Variants in ABTB2 observed in about 807,000 individuals in gnomAD.
The protein encoded by ABTB2 is ankyrin repeat and BTB/POZ domain-containing protein 2.
A neutral mutation model predicts 104.1 loss-of-function variants in ABTB2; 56 were observed. The ratio of observed to expected loss-of-function variants is 0.54; its 90% CI spans 0.43 to 0.67. The LOEUF (loss-of-function observed/expected upper bound fraction) is 0.67, where lower values mean the gene tolerates loss of function less well. Ranked by LOEUF, ABTB2 falls within the 30% of genes least tolerant of loss-of-function variation. The pLI is 0.00. For missense variants in ABTB2, 1,279 were observed against 1,407.7 expected (o/e 0.91, Z 1.46); for synonymous variants, 606 against 608.2 (o/e 1.00, Z 0.05).
Position 34,312,152 on chromosome 11 carries a change from AAAAG to A in ABTB2, c.883+44545_883+44548del, listed in dbSNP as rs1446504528. On this transcript the variant is annotated intron_variant, in intron 1 of 16. Coordinates refer to ENST00000435224, the MANE Select transcript of ABTB2 (RefSeq NM_145804.3). ...CAAGACTCCATCTCAAAAAAAAAAA[AAAAG>A]AAAAAGAAAAAGAAAAAGAGAAAGC... Among the ~76,000 whole-genome samples the A allele has an allele frequency of 1.3e-4, 20 of 150,078 alleles. No individual in the cohort carries two copies. In the South Asian group the frequency reaches 3.5e-3, roughly 27 times the overall value.
chr11:34,232,110 T>G (rs1481321907), intron 1 of ABTB2, among the ~76,000 whole-genome samples: 1 of 152,182 alleles, frequency 6.6e-6, no homozygotes, highest in Non-Finnish European at 1.5e-5. Context: ...GTGTGGGGTA[T>G]CTGGAAACTT....
chr11:34,217,249 C>T (rs1468863728), intron 1 of ABTB2, among the ~76,000 whole-genome samples: 1 of 152,228 alleles, frequency 6.6e-6, no homozygotes, highest in African/African-American at 2.4e-5. Context: ...GCCAACAACT[C>T]TCCTGGGATA....
intron 1 of ABTB2, among the ~76,000 whole-genome samples, chr11:34,263,499 T>G (rs1854213443): frequency 6.6e-6 from 1 of 152,200 alleles, no homozygotes; most frequent in South Asian, 2.1e-4. Flanking sequence ...AACACAGGTC[T>G]GCTCAGGCTT....
intron 14 of ABTB2, among the ~76,000 whole-genome samples, chr11:34,158,515 G>A (rs1454065642): frequency 1.3e-5 from 2 of 152,214 alleles, no homozygotes; most frequent in South Asian, 4.1e-4. Flanking sequence ...CCTGTGCAGG[G>A]CAAGGCCCTA....
intron 3 of ABTB2, among the ~76,000 whole-genome samples, chr11:34,185,109 A>C (rs1853080562): frequency 6.6e-6 from 1 of 152,268 alleles, no homozygotes; most frequent in African/African-American, 2.4e-5. Flanking sequence ...AACTGTAATC[A>C]CACAGCACTC....
chr11:34,299,894 C>T (rs564059878), intron 1 of ABTB2, among the ~76,000 whole-genome samples: 195 of 152,358 alleles, frequency 1.3e-3, no homozygotes, highest in Middle Eastern at 0.01. Context: ...GCTACTTCAC[C>T]TCTTTGTGCT....
intron 1 of ABTB2, among the ~76,000 whole-genome samples, chr11:34,261,126 G>A (rs1854183026): frequency 6.6e-6 from 1 of 151,772 alleles, no homozygotes; most frequent in Non-Finnish European, 1.5e-5. Context: ...CCATCTCCCC[G>A]CCTGCCCCCC....
intron 1 of ABTB2, among the ~76,000 whole-genome samples, chr11:34,299,384 C>T (rs1419528131): frequency 6.6e-6 from 1 of 152,212 alleles, no homozygotes; most frequent in Non-Finnish European, 1.5e-5. Context: ...TTAAGCAAGA[C>T]GTTCCTCTGA....
chr11:34,268,817 A>G (rs1289812729), intron 1 of ABTB2, among the ~76,000 whole-genome samples: 1 of 152,086 alleles, frequency 6.6e-6, no homozygotes, highest in African/African-American at 2.4e-5. Context: ...CATCCCATGC[A>G]TCCTCCACGT....
intron 1 of ABTB2, among the ~76,000 whole-genome samples, chr11:34,260,427 C>A (rs190649720): frequency 7.9e-5 from 12 of 152,334 alleles, no homozygotes; most frequent in Admixed American, 7.8e-4. Context: ...AAGGTCCCAA[C>A]CGCTGATCAC....
chr11:34,340,730 C>A (rs967566916), intron 1 of ABTB2, among the ~76,000 whole-genome samples: 13 of 152,216 alleles, frequency 8.5e-5, no homozygotes, highest in African/African-American at 3.1e-4. Context: ...CAGATCCTGG[C>A]AGTAGCTGTC....
intron 1 of ABTB2, among the ~76,000 whole-genome samples, chr11:34,210,407 T>C (rs1036835380): frequency 5.3e-5 from 8 of 152,192 alleles, no homozygotes; most frequent in South Asian, 2.1e-4. Context: ...TGGTTTAATT[T>C]CCTCCAGAGC....
At chr11:34,287,350 C>A (rs920254033) in intron 1 of ABTB2, among the ~76,000 whole-genome samples, 1 of 152,010 alleles carries the variant, frequency 6.6e-6, no homozygotes, top group Non-Finnish European at 1.5e-5. Flanking sequence ...GAGTTTGAGA[C>A]CAGCCTGAGA....
chr11:34,207,220 A>G (rs1853420004), intron 1 of ABTB2, among the ~76,000 whole-genome samples: 1 of 152,228 alleles, frequency 6.6e-6, no homozygotes, highest in African/African-American at 2.4e-5. Flanking sequence ...TTATTAATCT[A>G]CAGAAACAAC....
chr11:34,344,347 T>C (rs528989215), intron 1 of ABTB2, among the ~76,000 whole-genome samples: 1 of 152,304 alleles, frequency 6.6e-6, no homozygotes, highest in South Asian at 2.1e-4. Context: ...CAGCCAAAGA[T>C]CGTAAGACTG....
At chr11:34,231,085 A>G (rs2955953) in intron 1 of ABTB2, among the ~76,000 whole-genome samples, 105,385 of 152,004 alleles carry the variant, frequency 0.69, 36,616 homozygotes, top group Middle Eastern at 0.8. Context: ...TTTTAGGAAC[A>G]GGGCATGGAA....
intron 1 of ABTB2, among the ~76,000 whole-genome samples, chr11:34,298,687 C>T (rs2133097453): frequency 6.6e-6 from 1 of 152,198 alleles, no homozygotes; most frequent in South Asian, 2.1e-4. Context: ...GTCTCAAACT[C>T]CCGGCCTCGA....
At chr11:34,312,973 C>G (rs2133106119) in intron 1 of ABTB2, among the ~76,000 whole-genome samples, 1 of 152,030 alleles carries the variant, frequency 6.6e-6, no homozygotes, top group African/African-American at 2.4e-5. Context: ...CTAAATGATT[C>G]TAAAATCCAT....
At chr11:34,279,757 A>G (rs11032595) in intron 1 of ABTB2, among the ~76,000 whole-genome samples, 24,117 of 150,090 alleles carry the variant, frequency 0.16, 2,395 homozygotes, top group African/African-American at 0.26. Flanking sequence ...GCCAGTGACT[A>G]TTCTAAATGC....
Sources: gnomAD v4.1 joint callset for allele counts (sites outside exome capture counted in the v4.1 genomes callset) on GRCh38, gnomAD v4.1.1 for gene constraint, MANE v1.5 for transcripts, NCBI Gene and HGNC (gene_info 2026-07-23, HGNC 2026-07-21) for gene names.